The following NMD3 variants were observed in gnomAD, a reference collection of about 807,000 sequenced individuals.
NMD3 encodes NMD3 ribosome export adaptor.
In NMD3, 47 loss-of-function variants were observed where a neutral mutation model predicts 73.1. The ratio of observed to expected loss-of-function variants is 0.64; its 90% CI spans 0.51 to 0.82. The LOEUF (loss-of-function observed/expected upper bound fraction) is 0.82, where lower values mean the gene tolerates loss of function less well. NMD3 is among the 40% of genes least tolerant of loss of function. The pLI, the probability that NMD3 is intolerant of heterozygous loss-of-function variation, is 0.00. For missense variants in NMD3, 554 were observed against 612.5 expected (o/e 0.90, Z 1.01); for synonymous variants, 210 against 194.5 (o/e 1.08, Z -0.66).
At chr3:161,232,795 TC>T (rs1384587267) in intron 4 of NMD3, among the ~76,000 whole-genome samples, 1 of 152,184 alleles carries the variant, frequency 6.6e-6, no homozygotes, top group Non-Finnish European at 1.5e-5. Flanking sequence ...TACAGCAGCC[TC>T]CATTCTTGTT....
Position 161,222,043 on chromosome 3 carries a change from C to A in NMD3, c.30C>A (p.Arg10=). The change falls in exon 2 of 16, where the codon CGC becomes CGA. Residue 10 remains arginine, a synonymous_variant. Transcript: ENST00000351193. MEYMAESTD[R]SPGHILCCEC... Reference sequence around the variant, plus strand: ...AGTATATGGCAGAATCCACCGACCGCAGCCCTGGACACATGTGAGTGCGAC... The same window carrying A: ...AGTATATGGCAGAATCCACCGACCGAAGCCCTGGACACATGTGAGTGCGAC... The A allele has an allele frequency of 6.2e-7, 1 of 1,607,626 alleles. No homozygotes were observed. Among genetic ancestry groups the A allele is most frequent in the African/African-American group, 1.4e-5 (1 of 73,450 alleles).
At chr3:161,239,950 T>C (rs1736906165) in intron 9 of NMD3, among the ~76,000 whole-genome samples, 1 of 152,210 alleles carries the variant, frequency 6.6e-6, no homozygotes, top group African/African-American at 2.4e-5. Context: ...GAGGGTGGCA[T>C]TTTGCCAACC....
rs141876132 is a variant in NMD3 at position 161,238,637 on chromosome 3, A to G, written c.657-93A>G. ...ATGAAGCCATTTTAGACCTTGGACA[A>G]TGATGGTTTGATTTAATGAAAATTG... On this transcript the variant is annotated intron_variant, in intron 8 of 15. Transcript: ENST00000351193. 118 of 701,018 alleles carry G rather than the reference A, an allele frequency of 1.7e-4. No homozygotes were observed. The East Asian group carries it at 3.2e-3, about 19-fold the overall frequency. 43.4% of individuals were successfully genotyped at this position (701,018 alleles called of 1,614,324 possible).
chr3:161,240,962 A>G, intron 9 of NMD3, 84 bp from the exon 10 acceptor site: 4 of 727,006 alleles, frequency 5.5e-6, no homozygotes, highest in Non-Finnish European at 6.9e-6. Flanking sequence ...GTCAAATGCA[A>G]TTGGATTGGG....
intron 4 of NMD3, among the ~76,000 whole-genome samples, chr3:161,229,320 A>C (rs920564965): frequency 6.6e-6 from 1 of 152,208 alleles, no homozygotes; most frequent in African/African-American, 2.4e-5. Flanking sequence ...TTTTGTAATA[A>C]TCATGAGAAA....
chr3:161,251,337 A>T lies in NMD3; in HGVS notation c.*427A>T, dbSNP rs1208457043. ...AAGACCATATGAAGAAGCATTTTTA[A>T]TATTAACTTGTTACATACTTTGATC... On this transcript the variant is annotated 3_prime_UTR_variant, in exon 16 of 16. Transcript: ENST00000351193. 1 of 152,492 alleles carries T rather than the reference A, an allele frequency of 6.6e-6. No homozygotes were observed. The highest frequency in any genetic ancestry group is 1.5e-5 in the Non-Finnish European group (1 of 68,232). 9.4% of individuals were successfully genotyped at this position (152,492 alleles called of 1,614,324 possible).
intron 11 of NMD3, among the ~76,000 whole-genome samples, chr3:161,243,155 A>G (rs1384336190): frequency 2.6e-5 from 4 of 152,174 alleles, no homozygotes; most frequent in African/African-American, 9.7e-5. Flanking sequence ...GAAACAACCC[A>G]CAATAGTACC....
At chr3:161,243,088 A>G (rs1164287488) in intron 11 of NMD3, among the ~76,000 whole-genome samples, 1 of 152,166 alleles carries the variant, frequency 6.6e-6, no homozygotes, top group Non-Finnish European at 1.5e-5. Flanking sequence ...CATACAGTCT[A>G]CACAGTATTC....
intron 13 of NMD3, among the ~76,000 whole-genome samples, chr3:161,248,211 C>T (rs576708658): frequency 2.0e-4 from 30 of 151,468 alleles, no homozygotes; most frequent in African/African-American, 4.8e-4. Flanking sequence ...TAAATTTAGC[C>T]GGGTGCGGTG....
Position 161,250,985 on chromosome 3 carries a change from T to C in NMD3, c.*75T>C. 1 of 1,220,976 alleles carries C rather than the reference T, an allele frequency of 8.2e-7. No individual in the cohort carries two copies. The allele number at this position is 1,220,976 out of a possible 1,614,324, so 75.6% of individuals were successfully genotyped here. On this transcript the variant is annotated 3_prime_UTR_variant, in exon 16 of 16. Transcript: ENST00000351193. ...GTTACCTTAAGTGTCTCTACTATCT[T>C]TGCCTCCAGATTTCAAGAGGAGAAA...
Position 161,235,203 on chromosome 3 carries a change from G to T in NMD3, c.568G>T (p.Glu190Ter). 1 of 1,489,416 alleles carries T rather than the reference G, an allele frequency of 6.7e-7. No individual in the cohort carries two copies. Among genetic ancestry groups the T allele is most frequent in the Non-Finnish European group, 9.2e-7 (1 of 1,085,332 alleles). The allele number at this position is 1,489,416 out of a possible 1,614,324, so 92.3% of individuals were successfully genotyped here. ...GMHQNTLRIK[E>*]IHDGLDFYYS... is the part of the protein sequence containing the mutation. ...GCATCAGAATACACTTCGTATCAAA[G>T]AGATTCATGGTGAGTTAAAACTCAA... The change falls in exon 7 of 16, where the codon GAG (glutamate) becomes TAG (stop). Residue 190 changes from glutamate (E) to a stop codon, truncating the protein, a stop_gained. Transcript: ENST00000351193. LOFTEE classifies it high-confidence loss of function.
rs1184229656 is a variant in NMD3, at chr3:161,225,063, A to G, written c.178A>G (p.Arg60Gly). The G allele has an allele frequency of 6.2e-7, 1 of 1,613,598 alleles. No homozygotes were observed. The highest frequency in any genetic ancestry group is 2.2e-5 in the East Asian group (1 of 44,866). The change falls in exon 3 of 16, where the codon AGG (arginine) becomes GGG (glycine). Residue 60 changes from arginine (R) to glycine (G), a missense_variant and splice_region_variant. By Grantham distance (125) the Arg-to-Gly change is moderately radical (BLOSUM62 -2). Transcript: ENST00000351193. ...VSISFCKQCQ[R>G]YFQPPGTWIQ... ...GATTTCGTTCTGCAAACAATGTCAAAGGTACAGTGCGGTACAATTTTGCTC... is the reference window on the plus strand; with the variant it reads ...GATTTCGTTCTGCAAACAATGTCAAGGGTACAGTGCGGTACAATTTTGCTC...
In NMD3 at chr3:161,250,764, CTT is replaced by C. The variant is rs1737452837; in HGVS notation, c.1382-14_1382-13del. On this transcript the variant is annotated splice_polypyrimidine_tract_variant and intron_variant, in intron 15 of 15. Coordinates refer to ENST00000351193, the MANE Select transcript of NMD3 (RefSeq NM_015938.5). ...AAATACTTTGTATTTATTTTATTCTCTTTGTATTTTTTTAGATTCAGCCATCC... is the reference window on the plus strand; with the variant it reads ...AAATACTTTGTATTTATTTTATTCTCTGTATTTTTTTAGATTCAGCCATCC... The C allele has an allele frequency of 3.2e-6, 5 of 1,553,718 alleles. No individual in the cohort carries two copies. Among genetic ancestry groups the C allele is most frequent in the Non-Finnish European group, 4.4e-6 (5 of 1,130,506 alleles).
At chr3:161,242,267 T>C (rs1737013782) in intron 10 of NMD3, among the ~76,000 whole-genome samples, 1 of 152,172 alleles carries the variant, frequency 6.6e-6, no homozygotes, top group Admixed American at 6.5e-5. Context: ...CTTAGCCCTG[T>C]GGCATTCTGG....
chr3:161,249,312 T>C (rs1186594789), intron 13 of NMD3, 142 bp from the exon 14 acceptor site: 1 of 506,742 alleles, frequency 2.0e-6, no homozygotes, highest in Non-Finnish European at 3.5e-6. Flanking sequence ...AAAGTCCTCT[T>C]GACACTGTCT....
Position 161,238,094 on chromosome 3 carries a change from C to CTT in NMD3, c.578-5_578-4dup, listed in dbSNP as rs11344126. The CTT allele has an allele frequency of 1.3e-4, 176 of 1,398,014 alleles. No individual in the cohort carries two copies. Among genetic ancestry groups the CTT allele is most frequent in the African/African-American group, 1.5e-4 (10 of 66,354 alleles). 86.6% of individuals were successfully genotyped at this position (1,398,014 alleles called of 1,614,324 possible). On this transcript the variant is annotated intron_variant, in intron 7 of 15. Transcript: ENST00000351193. ...ATTTTGCATAATTATTTTCATAGGG[C>CTT]TTTTTTTTTTTTTTTAAGATGGTCT...
In NMD3 at chr3:161,250,784, A is replaced by T. The variant is rs1737453850; in HGVS notation, c.1386A>T (p.Ser462=). 1.2e-6 allele frequency: 2 copies of T among 1,603,580 alleles called. No individual in the cohort carries two copies. The highest frequency in any genetic ancestry group is 1.7e-6 in the Non-Finnish European group (2 of 1,171,750). Residue 462 remains serine, a synonymous_variant, in exon 16 of 16, where the codon TCA becomes TCT. Coordinates refer to ENST00000351193, the MANE Select transcript of NMD3 (RefSeq NM_015938.5). ...IRKNVNIYRD[S]AIPVESDTDD... is the part of the protein sequence containing the mutation. Reference sequence around the variant, plus strand: ...ATTCTCTTTGTATTTTTTTAGATTCAGCCATCCCTGTGGAAAGTGACACCG... The same window carrying T: ...ATTCTCTTTGTATTTTTTTAGATTCTGCCATCCCTGTGGAAAGTGACACCG...
rs752287709 is a variant in NMD3, at chr3:161,250,914, G to C, written c.*4G>C. 1.2e-6 allele frequency: 2 copies of C among 1,610,562 alleles called. No individual in the cohort carries two copies. Among genetic ancestry groups the C allele is most frequent in the Non-Finnish European group, 1.7e-6 (2 of 1,177,880 alleles). Reference sequence around the variant, plus strand: ...AGGTGCATCAATGCTGACATAATGAGATGTTGTAGACTGTTTCCATACATG... The same window carrying C: ...AGGTGCATCAATGCTGACATAATGACATGTTGTAGACTGTTTCCATACATG... On this transcript the variant is annotated 3_prime_UTR_variant, in exon 16 of 16. Transcript: ENST00000351193.
intron 2 of NMD3, among the ~76,000 whole-genome samples, chr3:161,222,553 T>TC (rs1389518622): frequency 6.6e-6 from 1 of 151,802 alleles, no homozygotes; most frequent in African/African-American, 2.4e-5. Flanking sequence ...ATCTTAGTTA[T>TC]CAATTTTTAA....
Sources: gnomAD v4.1 joint callset for allele counts (sites outside exome capture counted in the v4.1 genomes callset) on GRCh38, gnomAD v4.1.1 for gene constraint, MANE v1.5 for transcripts, NCBI Gene and HGNC (gene_info 2026-07-23, HGNC 2026-07-21) for gene names.